KIDINS220: variants seen among roughly 807,000 people sequenced by gnomAD.
The protein encoded by KIDINS220 is kinase D-interacting substrate of 220 kDa.
A neutral mutation model predicts 157.6 loss-of-function variants in KIDINS220; 63 were observed. The observed-to-expected ratio is 0.40, with a 90% CI of 0.33 to 0.49. KIDINS220 has a LOEUF of 0.49. Ranked by LOEUF, KIDINS220 falls within the 20% of genes least tolerant of loss-of-function variation. KIDINS220 has a pLI of 0.66. For missense variants in KIDINS220, 1,772 were observed against 2,171.2 expected, an observed-to-expected ratio of 0.82 and a Z score of 3.65; for synonymous variants, 732 against 783.6, an observed-to-expected ratio of 0.93 and a Z score of 1.10.
intron 20 of KIDINS220, among the ~76,000 whole-genome samples, chr2:8,777,886 T>C (rs1671184657): frequency 6.6e-6 from 1 of 152,200 alleles, no homozygotes; most frequent in Non-Finnish European, 1.5e-5. Context: ...TTCATCATAT[T>C]AACTTTGCAT....
At chr2:8,753,787 T>C (rs940612854) in intron 22 of KIDINS220, among the ~76,000 whole-genome samples, 5 of 152,158 alleles carry the variant, frequency 3.3e-5, no homozygotes, top group African/African-American at 4.8e-5. Flanking sequence ...TAGCCAAATA[T>C]TGAAAGTCAT....
chr2:8,825,372 C>CAAAAAAAAAAAAAAAAAAAA (rs369409976), intron 2 of KIDINS220, among the ~76,000 whole-genome samples: 4 of 108,596 alleles, frequency 3.7e-5, no homozygotes, highest in Admixed American at 2.2e-4. Context: ...GACTCCGTCT[C>CAAAAAAAAAAAAAAAAAAAA]AAAAAAAAAA....
At chr2:8,749,770 T>C (rs911040489) in intron 24 of KIDINS220, among the ~76,000 whole-genome samples, 2 of 152,106 alleles carry the variant, frequency 1.3e-5, no homozygotes, top group African/African-American at 2.4e-5. Flanking sequence ...TAAACTATTA[T>C]ACAAGATATA....
At chr2:8,722,088 C>T (rs1662989805), downstream of KIDINS220, 1 of 152,080 alleles carries the variant, frequency 6.6e-6, no homozygotes, top group Admixed American at 6.5e-5. Context: ...AGATACAACT[C>T]CACATAACCA....
intron 22 of KIDINS220, chr2:8,757,717 T>C (rs745649051): frequency 4.3e-6 from 7 of 1,612,446 alleles, no homozygotes; most frequent in Non-Finnish European, 5.9e-6. Flanking sequence ...CAGCTCTCCA[T>C]CAACATGGCA....
intron 22 of KIDINS220, among the ~76,000 whole-genome samples, chr2:8,767,087 C>T (rs564171766): frequency 1.3e-5 from 2 of 152,250 alleles, no homozygotes; most frequent in South Asian, 4.1e-4. Flanking sequence ...ATGACACAAT[C>T]TTTATTTCAG....
intron 22 of KIDINS220, among the ~76,000 whole-genome samples, chr2:8,765,755 A>C (rs530793440): frequency 6.6e-6 from 1 of 152,056 alleles, no homozygotes; most frequent in African/African-American, 2.4e-5. Flanking sequence ...TGTGGTAGCT[A>C]TTCACAGGCA....
chr2:8,781,173 G>A (rs1671691040), intron 17 of KIDINS220, among the ~76,000 whole-genome samples: 1 of 46,210 alleles, frequency 2.2e-5, no homozygotes, highest in African/African-American at 5.6e-5. Flanking sequence ...TATTAAAGGG[G>A]GGCATTACAT....
rs1373949218 is a variant in KIDINS220 at position 8,731,031 on chromosome 2, C to T, written c.5005G>A (p.Ala1669Thr). 2 of 1,614,082 alleles carry T rather than the reference C, an allele frequency of 1.2e-6. No individual in the cohort carries two copies. The highest frequency in any genetic ancestry group is 3.3e-5 in the Admixed American group (2 of 60,006). ...IASSPEENWP[A>T]CQKAYNLNRT... Reference sequence around the variant, plus strand: ...TTCAGGTTGTAGGCTTTCTGGCATGCAGGCCAGTTTTCTTCAGGGCTGCTG... The same window carrying T: ...TTCAGGTTGTAGGCTTTCTGGCATGTAGGCCAGTTTTCTTCAGGGCTGCTG... The change falls in exon 30 of 30, where the codon GCA becomes ACA. Residue 1669 changes from alanine (A) to threonine (T), a missense_variant. Ala to Thr is a moderately conservative substitution (Grantham distance 58). Coordinates refer to ENST00000256707, the MANE Select transcript of KIDINS220 (RefSeq NM_020738.4). This position sits in a 1 kb window ranked among gnomAD's most constrained non-coding sequence, Gnocchi z 5.2.
At chr2:8,809,025 GT>G (rs33990073) in intron 6 of KIDINS220, among the ~76,000 whole-genome samples, 146,928 of 152,086 alleles carry the variant, frequency 0.97, 71,018 homozygotes, top group Middle Eastern at 0.99. Context: ...TTGTTTGTTT[GT>G]TTTTTTCTTT....
chr2:8,729,266 A>G lies in KIDINS220; in HGVS notation c.*1454T>C, dbSNP rs1458304707. On this transcript the variant is annotated 3_prime_UTR_variant, in exon 30 of 30. Transcript: ENST00000256707. ...GGCAATGAAACACAAAAGAGCAACT[A>G]TTTAGCACAATGACTGGCCCAGTAA... 1.0e-6 allele frequency: 1 copy of G among 985,314 alleles called. No individual in the cohort carries two copies. The highest frequency in any genetic ancestry group is 6.1e-5 in the Admixed American group (1 of 16,268). 61.0% of individuals were successfully genotyped at this position (985,314 alleles called of 1,614,324 possible). A position where few individuals can be genotyped will look rare whatever the true frequency, so the allele number is the denominator to read the frequency against.
At chr2:8,794,123 G>T (rs767010251) in intron 11 of KIDINS220, 136 bp from the exon 12 acceptor site, 3 of 594,594 alleles carry the variant, frequency 5.0e-6, no homozygotes, top group Non-Finnish European at 8.1e-6. Flanking sequence ...TATATAATAT[G>T]AATTTTTATC....
chr2:8,779,148 G>C lies in KIDINS220; in HGVS notation c.2371-9C>G. 9 of 1,611,148 alleles carry C rather than the reference G, an allele frequency of 5.6e-6. No individual in the cohort carries two copies. The highest frequency in any genetic ancestry group is 7.6e-6 in the Non-Finnish European group (9 of 1,179,752). On this transcript the variant is annotated splice_polypyrimidine_tract_variant and intron_variant, in intron 18 of 29. Transcript: ENST00000256707. ...GAAAACAGAACTCGGACCTGTGGCA[G>C]AAGAAATGTACAGTTGTGACATACA...
chr2:8,778,512 C>T (rs1217406978), intron 20 of KIDINS220, 127 bp downstream of exon 20: 1 of 748,288 alleles, frequency 1.3e-6, no homozygotes, highest in Non-Finnish European at 2.4e-6. Flanking sequence ...AAAGGAAATT[C>T]AATGATAATG....
At chr2:8,760,587 G>C (rs911462364) in intron 22 of KIDINS220, among the ~76,000 whole-genome samples, 1 of 152,168 alleles carries the variant, frequency 6.6e-6, no homozygotes, top group Non-Finnish European at 1.5e-5. Flanking sequence ...TAACATTTCT[G>C]TCTACTCATG....
downstream of KIDINS220, among the ~76,000 whole-genome samples, chr2:8,728,592 T>C (rs1393615860): frequency 6.6e-6 from 1 of 152,228 alleles, no homozygotes; most frequent in Non-Finnish European, 1.5e-5. Context: ...AAGCAAACTT[T>C]TCCAGGAAGT....
chr2:8,776,048 T>G (rs1270642399), intron 21 of KIDINS220, among the ~76,000 whole-genome samples: 1 of 152,158 alleles, frequency 6.6e-6, no homozygotes, highest in Non-Finnish European at 1.5e-5. Context: ...ATAAATACAG[T>G]GAGGCTTGAG....
At chr2:8,827,354 C>T (rs1678956687) in intron 1 of KIDINS220, among the ~76,000 whole-genome samples, 2 of 152,090 alleles carry the variant, frequency 1.3e-5, no homozygotes, top group Non-Finnish European at 2.9e-5. Context: ...CCAAACTCCA[C>T]ATCCATCCCC....
chr2:8,747,538 A>G (rs1050988019), intron 25 of KIDINS220: 38 of 418,016 alleles, frequency 9.1e-5, no homozygotes, highest in Non-Finnish European at 1.5e-4. Context: ...GCTAATATTT[A>G]CATACTATAA....
Sources: gnomAD v4.1 joint callset for allele counts (sites outside exome capture counted in the v4.1 genomes callset) on GRCh38, gnomAD v4.1.1 for gene constraint, Gnocchi (gnomAD v3.1) non-coding constraint, MANE v1.5 for transcripts, NCBI Gene and HGNC (gene_info 2026-07-23, HGNC 2026-07-21) for gene names.